The following PLEKHA1 variants were observed in gnomAD, a reference collection of about 807,000 sequenced individuals.
The protein encoded by PLEKHA1 is pleckstrin homology domain containing A1, also known as pleckstrin homology domain-containing family A member 1.
A neutral mutation model predicts 52.0 loss-of-function variants in PLEKHA1; 34 were observed. The ratio of observed to expected loss-of-function variants is 0.65; its 90% CI spans 0.50 to 0.87. The LOEUF (loss-of-function observed/expected upper bound fraction) is 0.87, where lower values mean the gene tolerates loss of function less well. Ranked by LOEUF, PLEKHA1 falls within the 40% of genes least tolerant of loss-of-function variation. PLEKHA1 has a pLI of 0.00. For missense variants in PLEKHA1, 497 were observed against 504.2 expected (o/e 0.99, Z 0.14); for synonymous variants, 163 against 170.7 (o/e 0.95, Z 0.35).
chr10:122,417,166 T>C (rs1001315744), intron 7 of PLEKHA1: 2 of 152,254 alleles, frequency 1.3e-5, no homozygotes, highest in African/African-American at 4.8e-5. Context: ...AGGTTTACTT[T>C]ATTAAATATT....
intron 4 of PLEKHA1, 120 bp from the exon 5 acceptor site, chr10:122,406,456 T>C (rs1590647171): frequency 1.3e-6 from 1 of 750,444 alleles, no homozygotes; most frequent in Non-Finnish European, 2.4e-6. Flanking sequence ...TGGTCTGATA[T>C]ATTTTGTCAA....
chr10:122,401,952 A>G (rs556899743), intron 4 of PLEKHA1, among the ~76,000 whole-genome samples: 1 of 152,286 alleles, frequency 6.6e-6, no homozygotes, highest in African/African-American at 2.4e-5. Context: ...TGTCAAGGGA[A>G]TCCTCTAAAA....
intron 4 of PLEKHA1, among the ~76,000 whole-genome samples, chr10:122,404,851 C>T (rs1017609197): frequency 1.3e-5 from 2 of 152,122 alleles, no homozygotes; most frequent in African/African-American, 4.8e-5. Flanking sequence ...GGTCTCAGTC[C>T]CAATTTCAAA....
At chr10:122,424,342 AGATT>A in intron 9 of PLEKHA1, 79 bp downstream of exon 9, 17 of 1,424,704 alleles carry the variant, frequency 1.2e-5, no homozygotes, top group Non-Finnish European at 1.2e-5. Flanking sequence ...ATGTACTTAC[AGATT>A]ACATTTTTCC....
intron 1 of PLEKHA1, among the ~76,000 whole-genome samples, chr10:122,388,367 A>G (rs1205333118): frequency 6.6e-6 from 1 of 152,122 alleles, no homozygotes; most frequent in African/African-American, 2.4e-5. Flanking sequence ...AAAATATTCC[A>G]TTGTATGCAT....
chr10:122,401,536 TAAAG>T (rs926959020), intron 4 of PLEKHA1, among the ~76,000 whole-genome samples: 2 of 152,024 alleles, frequency 1.3e-5, no homozygotes, highest in African/African-American at 4.8e-5. Context: ...TTGCTTCAAG[TAAAG>T]AAATGAGAAA....
Position 122,418,267 on chromosome 10 carries a change from G to A in PLEKHA1, c.681+299G>A, listed in dbSNP as rs2097207355. 4 of 243,402 alleles carry A rather than the reference G, an allele frequency of 1.6e-5. No individual in the cohort carries two copies. The East Asian group carries it at 2.5e-4, about 15-fold the overall frequency. The allele number at this position is 243,402 out of a possible 1,614,324, so 15.1% of individuals were successfully genotyped here. On this transcript the variant is annotated intron_variant, in intron 8 of 11. Coordinates refer to ENST00000368990, the MANE Select transcript of PLEKHA1 (RefSeq NM_001001974.4). Reference sequence around the variant, plus strand: ...TGTCCTCTTGGGGGGTTAGCCCCACGTGGAGTAGGGAGAGAAGGGCATCCA... The same window carrying A: ...TGTCCTCTTGGGGGGTTAGCCCCACATGGAGTAGGGAGAGAAGGGCATCCA...
Position 122,412,984 on chromosome 10 carries a change from A to G in PLEKHA1, c.407A>G (p.Lys136Arg). 6.2e-7 allele frequency: 1 copy of G among 1,613,652 alleles called. No individual in the cohort carries two copies. Among genetic ancestry groups the G allele is most frequent in the African/African-American group, 1.3e-5 (1 of 75,018 alleles). The change falls in exon 6 of 12, where the codon AAA (lysine) becomes AGA (arginine). Residue 136 changes from lysine (K) to arginine (R), a missense_variant. Transcript: ENST00000368990. Reference protein sequence around the residue: ...DNLSRHGECGKKQVSYRTDIV... With the variant: ...DNLSRHGECGRKQVSYRTDIV... ...CTAAGTCGCCATGGTGAATGTGGGA[A>G]AAAGCAAGTGTCTTACAGAACTGAT...
chr10:122,385,267 AG>A (rs1194451622), intron 1 of PLEKHA1, among the ~76,000 whole-genome samples: 10 of 148,684 alleles, frequency 6.7e-5, no homozygotes, highest in African/African-American at 2.4e-4. Flanking sequence ...TTGAAATGTT[AG>A]GAAGCAGAAT....
intron 11 of PLEKHA1, chr10:122,428,259 T>A (rs1186697438): frequency 6.5e-7 from 1 of 1,534,830 alleles, no homozygotes; most frequent in African/African-American, 1.4e-5. Context: ...TAATCTTAGC[T>A]TTGCACTGTG....
intron 4 of PLEKHA1, among the ~76,000 whole-genome samples, chr10:122,400,697 G>A (rs1590543399): frequency 6.6e-6 from 1 of 152,146 alleles, no homozygotes; most frequent in African/African-American, 2.4e-5. Flanking sequence ...TCTACGTCAT[G>A]TTATTCTATA....
intron 11 of PLEKHA1, chr10:122,428,347 G>A (rs1250748451): frequency 5.2e-6 from 8 of 1,544,908 alleles, no homozygotes; most frequent in East Asian, 2.5e-5. Flanking sequence ...AATGCAGCAC[G>A]TATGTGGGCT....
chr10:122,419,916 T>G (rs1490397531), intron 8 of PLEKHA1: 2 of 152,220 alleles, frequency 1.3e-5, no homozygotes, highest in Non-Finnish European at 2.9e-5. Context: ...TCCCCCAGTT[T>G]TAACATTTCT....
chr10:122,409,359 C>T (rs936737112), intron 5 of PLEKHA1, among the ~76,000 whole-genome samples: 8 of 152,078 alleles, frequency 5.3e-5, no homozygotes, highest in East Asian at 1.9e-4. Flanking sequence ...GAATCAGCCC[C>T]GAAGGGGGAG....
chr10:122,402,510 G>A lies in PLEKHA1; in HGVS notation c.244+2122G>A, dbSNP rs187019168. ...AAGTTGGAAAGTAGATAGAGGAATG[G>A]TAGATAATTTAGCAGAGTGGAGGAA... On this transcript the variant is annotated intron_variant, in intron 4 of 11. Transcript: ENST00000368990. 3.0e-3 allele frequency among the ~76,000 whole-genome samples: 456 copies of A among 152,306 alleles called. 1 individual carries two copies. Among genetic ancestry groups the A allele is most frequent in the African/African-American group, 0.011 (438 of 41,568 alleles).
intron 1 of PLEKHA1, among the ~76,000 whole-genome samples, chr10:122,388,665 T>A (rs1038242240): frequency 1.1e-4 from 16 of 152,232 alleles, no homozygotes; most frequent in Non-Finnish European, 7.3e-5. Flanking sequence ...AAAAAATGTA[T>A]ATACTATAAT....
chr10:122,392,815 A>G (rs2096795197), intron 1 of PLEKHA1, among the ~76,000 whole-genome samples: 1 of 152,222 alleles, frequency 6.6e-6, no homozygotes, highest in Non-Finnish European at 1.5e-5. Context: ...TTGTGAATTT[A>G]AAAATATTCT....
chr10:122,378,189 A>T (rs531776663), intron 1 of PLEKHA1, among the ~76,000 whole-genome samples: 1 of 152,348 alleles, frequency 6.6e-6, no homozygotes, highest in South Asian at 2.1e-4. Context: ...CTTACCCGGT[A>T]CAGTAAATCC....
At chr10:122,413,783 G>A (rs757300553) in intron 6 of PLEKHA1, among the ~76,000 whole-genome samples, 12 of 152,090 alleles carry the variant, frequency 7.9e-5, no homozygotes, top group Admixed American at 2.6e-4. Context: ...TAAGTTACTA[G>A]TAGTTGAGAA....
Sources: allele counts gnomAD v4.1 joint callset (sites outside exome capture counted in the v4.1 genomes callset), GRCh38; gene constraint gnomAD v4.1.1; transcripts MANE v1.5; gene names NCBI Gene and HGNC (gene_info 2026-07-23, HGNC 2026-07-21).